PXYLP1: variants seen among roughly 807,000 people sequenced by gnomAD.
PXYLP1 encodes the protein acid phosphatase-like 2.
Under a neutral mutation model 37.9 loss-of-function variants are expected in PXYLP1, and 17 were observed. That is an observed-to-expected ratio of 0.45 (90% confidence interval 0.31 to 0.67). The LOEUF is 0.67. PXYLP1 is among the 30% of genes least tolerant of loss of function. The pLI is 0.07. For missense variants in PXYLP1, 511 were observed against 612.0 expected, an observed-to-expected ratio of 0.84 and a Z score of 1.74; for synonymous variants, 221 against 232.2, an observed-to-expected ratio of 0.95 and a Z score of 0.44.
At chr3:141,273,349 A>C (rs1177072035) in intron 2 of PXYLP1, 1 of 985,300 alleles carries the variant, frequency 1.0e-6, no homozygotes, top group Non-Finnish European at 1.2e-6. Context: ...GCCTCTGCCT[A>C]AGGTCTACTG....
At chr3:141,278,606 G>A (rs1450788488) in intron 3 of PXYLP1, 106 bp downstream of exon 3, 85 of 1,421,752 alleles carry the variant, frequency 6.0e-5, no homozygotes, top group Non-Finnish European at 2.8e-5. Flanking sequence ...AAGTCCTGCA[G>A]TTGCCACCAG....
chr3:141,247,296 G>A (rs889581370), intron 1 of PXYLP1, among the ~76,000 whole-genome samples: 3 of 152,256 alleles, frequency 2.0e-5, no homozygotes, highest in African/African-American at 4.8e-5. Flanking sequence ...CATCCATGGA[G>A]CATTATGGGA....
At chr3:141,254,078 A>AT (rs1311601439) in intron 1 of PXYLP1, among the ~76,000 whole-genome samples, 1 of 151,858 alleles carries the variant, frequency 6.6e-6, no homozygotes, top group Admixed American at 6.6e-5. Context: ...TGCCCGACTA[A>AT]TTTTTTGTAT....
At chr3:141,237,290 G>A (rs1316870230) in intron 1 of PXYLP1, among the ~76,000 whole-genome samples, 2 of 152,182 alleles carry the variant, frequency 1.3e-5, no homozygotes, top group African/African-American at 4.8e-5. Context: ...AACTCTGTAT[G>A]TAGCACCCAG....
At position 141,248,627 on chromosome 3, in the gene PXYLP1, GTATATATACACACGTGTA is replaced by G. The variant is rs1941036800; in HGVS notation, c.-53-11489_-53-11472del. On this transcript the variant is annotated intron_variant, in intron 1 of 5. Coordinates refer to ENST00000286353, the MANE Select transcript of PXYLP1 (RefSeq NM_001037172.3). ...TATACACACGTATATATACACACAC[GTATATATACACACGTGTA>G]TATATACACACGTATATATACACAC... Among the ~76,000 whole-genome samples the G allele has an allele frequency of 1.5e-4, 13 of 87,304 alleles. 2 individuals carry two copies. The highest frequency in any genetic ancestry group is 2.4e-4 in the Non-Finnish European group (12 of 50,798). The allele number at this position is 87,304 out of a possible 152,430, so 57.3% of individuals were successfully genotyped here. A position where few individuals can be genotyped will look rare whatever the true frequency, so the allele number is the denominator to read the frequency against.
chr3:141,237,066 A>C (rs549668613), intron 1 of PXYLP1, among the ~76,000 whole-genome samples: 78 of 152,300 alleles, frequency 5.1e-4, no homozygotes, highest in African/African-American at 1.5e-3. Context: ...AGAGATGGGG[A>C]GATGGGACCT....
At chr3:141,256,738 T>C (rs1420780308) in intron 1 of PXYLP1, among the ~76,000 whole-genome samples, 1 of 152,174 alleles carries the variant, frequency 6.6e-6, no homozygotes, top group African/African-American at 2.4e-5. Flanking sequence ...TCGGTGTTCC[T>C]CTGGCCAGGC....
At chr3:141,264,233 A>G (rs1462715188) in intron 2 of PXYLP1, among the ~76,000 whole-genome samples, 1 of 152,166 alleles carries the variant, frequency 6.6e-6, no homozygotes, top group Admixed American at 6.5e-5. Context: ...TGCTGTCAAT[A>G]TCTGAAGGGC....
At position 141,274,308 on chromosome 3, in the gene PXYLP1, C is replaced by T. The variant is rs976476507; in HGVS notation, c.80-4034C>T. On this transcript the variant is annotated intron_variant, in intron 2 of 5. Transcript: ENST00000286353. ...CCCCTTCCCAGCCTTCCTCCTGGAG[C>T]CCGGCCTGCACATCGACCCTGGTGA... is the stretch of plus-strand genomic sequence containing the variant. The T allele has an allele frequency of 1.0e-5, 14 of 1,367,084 alleles. No individual in the cohort carries two copies. In the African/African-American group the frequency reaches 2.0e-4, roughly 20 times the overall value. 84.7% of individuals were successfully genotyped at this position (1,367,084 alleles called of 1,614,324 possible).
chr3:141,244,786 A>G (rs1940896589), intron 1 of PXYLP1, among the ~76,000 whole-genome samples: 1 of 150,790 alleles, frequency 6.6e-6, no homozygotes, highest in Non-Finnish European at 1.5e-5. Context: ...TTTTATAATG[A>G]CTCCTAATGC....
At chr3:141,272,259 T>C (rs1427591204) in intron 2 of PXYLP1, among the ~76,000 whole-genome samples, 2 of 152,202 alleles carry the variant, frequency 1.3e-5, no homozygotes, top group Admixed American at 6.5e-5. Context: ...CCTATGGTTG[T>C]TGAGTTTCAG....
At chr3:141,280,021 G>T (rs1247797574) in intron 4 of PXYLP1, among the ~76,000 whole-genome samples, 2 of 152,238 alleles carry the variant, frequency 1.3e-5, no homozygotes, top group South Asian at 2.1e-4. Context: ...TTTCACTGGA[G>T]TAGAGGCAGC....
Position 141,248,832 on chromosome 3 carries a change from CACGT to C in PXYLP1, c.-53-11290_-53-11287del, listed in dbSNP as rs1317103297. On this transcript the variant is annotated intron_variant, in intron 1 of 5. Coordinates refer to ENST00000286353, the MANE Select transcript of PXYLP1 (RefSeq NM_001037172.3). ...ATATACACACGTATATATATACACA[CACGT>C]GTATATATACACACGTATATATATA... 2.9e-4 allele frequency among the ~76,000 whole-genome samples: 36 copies of C among 124,310 alleles called. 3 individuals carry two copies. Among genetic ancestry groups the C allele is most frequent in the South Asian group, 2.0e-3 (7 of 3,588 alleles). The allele number at this position is 124,310 out of a possible 152,430, so 81.6% of individuals were successfully genotyped here. A position where few individuals can be genotyped will look rare whatever the true frequency, so the allele number is the denominator to read the frequency against.
At chr3:141,289,276 C>CAAAAA (rs112480371) in intron 5 of PXYLP1, among the ~76,000 whole-genome samples, 17 of 151,518 alleles carry the variant, frequency 1.1e-4, no homozygotes, top group South Asian at 6.2e-4. Context: ...GTTCTAGACA[C>CAAAAA]AAAAACAGAA....
Position 141,293,455 on chromosome 3 carries a change from T to G in PXYLP1, c.*250T>G, listed in dbSNP as rs1942280179. 2.0e-6 allele frequency: 1 copy of G among 502,030 alleles called. No homozygotes were observed. Among genetic ancestry groups the G allele is most frequent in the Non-Finnish European group, 3.5e-6 (1 of 284,500 alleles). 31.1% of individuals were successfully genotyped at this position (502,030 alleles called of 1,614,324 possible). On this transcript the variant is annotated 3_prime_UTR_variant, in exon 6 of 6. Coordinates refer to ENST00000286353, the MANE Select transcript of PXYLP1 (RefSeq NM_001037172.3). Reference sequence around the variant, plus strand: ...TACTTTATCATAGCCAGACTTCGCTTAGAATGCCAGAATAATATAGTTCAA... The same window carrying G: ...TACTTTATCATAGCCAGACTTCGCTGAGAATGCCAGAATAATATAGTTCAA...
At chr3:141,275,559 A>G (rs1941771164) in intron 2 of PXYLP1, among the ~76,000 whole-genome samples, 1 of 152,256 alleles carries the variant, frequency 6.6e-6, no homozygotes, top group African/African-American at 2.4e-5. Context: ...GGGCCAGGTC[A>G]CTAAGAGACT....
chr3:141,292,317 A>G lies in PXYLP1; in HGVS notation c.555A>G (p.Leu185=). Residue 185 remains leucine (L), a synonymous_variant, in exon 6 of 6, where the codon CTA becomes CTG. Transcript: ENST00000286353. The surrounding 1 kb of genome is among the most constrained non-coding windows in gnomAD (Gnocchi z 4.3). ...QNGQLLRDIY[L]KKHKLLPNDW... ...GTCAGCTGCTGAGGGATATCTATCT[A>G]AAGAAACACAAACTCCTGCCCAATG... The G allele has an allele frequency of 6.2e-7, 1 of 1,612,582 alleles. No individual in the cohort carries two copies. Among genetic ancestry groups the G allele is most frequent in the Non-Finnish European group, 8.5e-7 (1 of 1,179,434 alleles).
chr3:141,290,155 C>T lies in PXYLP1; in HGVS notation c.506-2113C>T, dbSNP rs540189295. On this transcript the variant is annotated intron_variant, in intron 5 of 5. Coordinates refer to ENST00000286353, the MANE Select transcript of PXYLP1 (RefSeq NM_001037172.3). ...GTAAGATTGCTCATGAGTGCCTACCCTGTTGAAGATGCTTTGGCAGCTGCT... is the reference window on the plus strand; with the variant it reads ...GTAAGATTGCTCATGAGTGCCTACCTTGTTGAAGATGCTTTGGCAGCTGCT... Among the ~76,000 whole-genome samples, 10 of 152,324 alleles carry T rather than the reference C, an allele frequency of 6.6e-5. No individual in the cohort carries two copies. The East Asian group carries it at 1.9e-3, about 29-fold the overall frequency.
intron 1 of PXYLP1, among the ~76,000 whole-genome samples, chr3:141,247,002 C>T (rs757986219): frequency 2.6e-5 from 4 of 152,272 alleles, no homozygotes; most frequent in Non-Finnish European, 5.9e-5. Flanking sequence ...GCGTTATGTG[C>T]TGGCTCCAGC....
Sources: gnomAD v4.1 joint callset for allele counts (sites outside exome capture counted in the v4.1 genomes callset) on GRCh38, gnomAD v4.1.1 for gene constraint, Gnocchi (gnomAD v3.1) non-coding constraint, MANE v1.5 for transcripts, NCBI Gene and HGNC (gene_info 2026-07-23, HGNC 2026-07-21) for gene names.